Variants in BANF2 observed in about 807,000 individuals in gnomAD.
BANF2 encodes the protein BANF family member 2.
In BANF2, 4 loss-of-function variants were observed where a neutral mutation model predicts 8.0. The observed-to-expected ratio is 0.50, with a 90% CI of 0.25 to 1.14. The LOEUF (loss-of-function observed/expected upper bound fraction) is 1.14. BANF2 is among the 50% of genes most tolerant of loss of function. BANF2 has a pLI of 0.16. For missense variants in BANF2, 96 were observed against 107.5 expected, an observed-to-expected ratio of 0.89 and a Z score of 0.47; for synonymous variants, 50 against 40.6, an observed-to-expected ratio of 1.23 and a Z score of -0.88.
chr20:17,709,396 A>T (rs751126032), intron 1 of BANF2, among the ~76,000 whole-genome samples: 2 of 152,194 alleles, frequency 1.3e-5, no homozygotes, highest in Non-Finnish European at 2.9e-5. Flanking sequence ...AGAGGAATGA[A>T]GGAAAATTAA....
intron 1 of BANF2, among the ~76,000 whole-genome samples, chr20:17,708,305 T>A (rs148091036): frequency 6.6e-6 from 1 of 152,294 alleles, no homozygotes; most frequent in East Asian, 1.9e-4. Context: ...ATTGTATTTA[T>A]ATGTGCAAGG....
chr20:17,729,325 A>G (rs2037860344), intron 3 of BANF2, among the ~76,000 whole-genome samples: 1 of 151,892 alleles, frequency 6.6e-6, no homozygotes, highest in Non-Finnish European at 1.5e-5. Context: ...CCCCTTCAAG[A>G]CCCTACTCAC....
At chr20:17,716,601 C>T (rs575393143) in intron 1 of BANF2, among the ~76,000 whole-genome samples, 2 of 151,228 alleles carry the variant, frequency 1.3e-5, no homozygotes, top group African/African-American at 2.4e-5. Flanking sequence ...CAGTGGCTCA[C>T]ACCTGTAATC....
chr20:17,719,120 G>A (rs1418249699), intron 1 of BANF2, among the ~76,000 whole-genome samples: 1 of 151,926 alleles, frequency 6.6e-6, no homozygotes, highest in African/African-American at 2.4e-5. Flanking sequence ...TGTTGTTGTT[G>A]TTCTGTTTCG....
rs528316435 is a variant in BANF2, at chr20:17,693,840, T to C, written c.18+134T>C. The C allele has an allele frequency of 2.9e-6, 3 of 1,047,492 alleles. No homozygotes were observed. The South Asian group carries it at 4.2e-5, about 15-fold the overall frequency. The allele number at this position is 1,047,492 out of a possible 1,614,324, so 64.9% of individuals were successfully genotyped here. ...TGCTTTCCCGAATTCTGAATTCTTT[T>C]CGGAACGTGTCTCTGCAGGCAGCAC... On this transcript the variant is annotated intron_variant, in intron 1 of 2. Transcript: ENST00000545418.
intron 1 of BANF2, among the ~76,000 whole-genome samples, chr20:17,704,883 G>A (rs554693576): frequency 2.6e-5 from 4 of 152,338 alleles, no homozygotes; most frequent in African/African-American, 9.6e-5. Flanking sequence ...TCCCCCACAA[G>A]TGGAAGGAGA....
At chr20:17,734,844 T>G (rs2037953638) in intron 3 of BANF2, among the ~76,000 whole-genome samples, 1 of 152,194 alleles carries the variant, frequency 6.6e-6, no homozygotes, top group African/African-American at 2.4e-5. Flanking sequence ...CCCAGCACTT[T>G]GGGAGGCCAA....
intron 1 of BANF2, among the ~76,000 whole-genome samples, chr20:17,711,560 G>A (rs992444117): frequency 6.6e-6 from 1 of 152,156 alleles, no homozygotes; most frequent in Non-Finnish European, 1.5e-5. Context: ...TGTGCACCAG[G>A]GGCACTCAGC....
intron 3 of BANF2, among the ~76,000 whole-genome samples, chr20:17,730,636 C>T (rs556247532): frequency 2.2e-4 from 33 of 152,356 alleles, no homozygotes; most frequent in African/African-American, 7.9e-4. Flanking sequence ...CCCTCCGTTA[C>T]TTCGTGGCCA....
intron 2 of BANF2, among the ~76,000 whole-genome samples, chr20:17,723,339 G>A (rs2037759141): frequency 6.6e-6 from 1 of 152,224 alleles, no homozygotes; most frequent in South Asian, 2.1e-4. Context: ...TTCTTTGGGG[G>A]AGAGGGCTGT....
chr20:17,714,305 T>A (rs529140569), intron 1 of BANF2, among the ~76,000 whole-genome samples: 1 of 152,212 alleles, frequency 6.6e-6, no homozygotes, highest in South Asian at 2.1e-4. Context: ...TGAACTAATA[T>A]GCTTGTCCAT....
chr20:17,704,403 G>A (rs2037452636), intron 1 of BANF2, among the ~76,000 whole-genome samples: 3 of 152,220 alleles, frequency 2.0e-5, no homozygotes, highest in Admixed American at 2.0e-4. Flanking sequence ...ACGTGGAGTA[G>A]CAAGGCTGTA....
intron 3 of BANF2, among the ~76,000 whole-genome samples, chr20:17,726,737 T>C (rs1357225430): frequency 6.6e-6 from 1 of 152,244 alleles, no homozygotes; most frequent in Non-Finnish European, 1.5e-5. Context: ...TCTTCTGATG[T>C]CAAACAGCAT....
rs376392534 is a variant in BANF2, at chr20:17,735,767, C to A, written c.229C>A (p.Gln77Lys). ...CFGATECEAQ[Q>K]TSHCLKEWCA... Reference sequence around the variant, plus strand: ...TGGTGCCACTGAGTGTGAGGCCCAGCAGACTTCTCACTGCCTCAAGGAGTG... The same window carrying A: ...TGGTGCCACTGAGTGTGAGGCCCAGAAGACTTCTCACTGCCTCAAGGAGTG... Residue 77 changes from glutamine (Q) to lysine (K), a missense_variant, in exon 4 of 4, where the codon CAG becomes AAG. Gln to Lys is a moderately conservative substitution (Grantham distance 53). Coordinates refer to ENST00000246090, the MANE Select transcript of BANF2 (RefSeq NM_178477.5). 130 of 1,613,902 alleles carry A rather than the reference C, an allele frequency of 8.1e-5. No homozygotes were observed. Among genetic ancestry groups the A allele is most frequent in the Non-Finnish European group, 1.0e-4 (123 of 1,179,958 alleles).
At chr20:17,726,325 A>C (rs1010821216) in intron 3 of BANF2, among the ~76,000 whole-genome samples, 1 of 152,040 alleles carries the variant, frequency 6.6e-6, no homozygotes, top group African/African-American at 2.4e-5. Flanking sequence ...AGCTGGGACT[A>C]CAGGTGTGTG....
Position 17,725,223 on chromosome 20 carries a change from T to C in BANF2, c.126+72T>C, listed in dbSNP as rs1005072365. Reference sequence around the variant, plus strand: ...TTCCCCCAGTCCTGCCAGATGGCAGTTCCTGCCACGTGTCCCTGTGAAGGG... The same window carrying C: ...TTCCCCCAGTCCTGCCAGATGGCAGCTCCTGCCACGTGTCCCTGTGAAGGG... On this transcript the variant is annotated intron_variant, in intron 3 of 3. Coordinates refer to ENST00000246090, the MANE Select transcript of BANF2 (RefSeq NM_178477.5). 40 of 1,510,090 alleles carry C rather than the reference T, an allele frequency of 2.6e-5. 1 individual carries two copies. In the Middle Eastern group the frequency reaches 8.6e-4, roughly 33 times the overall value. The allele number at this position is 1,510,090 out of a possible 1,614,324, so 93.5% of individuals were successfully genotyped here.
intron 3 of BANF2, among the ~76,000 whole-genome samples, chr20:17,727,537 G>T (rs926414556): frequency 2.0e-5 from 3 of 152,084 alleles, no homozygotes; most frequent in African/African-American, 7.2e-5. Context: ...CTGTATCAGG[G>T]TCTGGAGTCC....
At chr20:17,722,901 G>T (rs1338989674) in intron 2 of BANF2, 23 bp downstream of exon 2, 1 of 980,336 alleles carries the variant, frequency 1.0e-6, no homozygotes, top group Non-Finnish European at 1.2e-6. Context: ...ATGGGGACAG[G>T]AGAGGGGATG....
chr20:17,731,213 C>T (rs1216426108), intron 3 of BANF2: 2 of 152,068 alleles, frequency 1.3e-5, no homozygotes, highest in Non-Finnish European at 2.9e-5. Context: ...CAGTGAGCCG[C>T]TATCGTGCCA....
Sources: gnomAD v4.1 joint callset for allele counts (sites outside exome capture counted in the v4.1 genomes callset) on GRCh38, gnomAD v4.1.1 for gene constraint, MANE v1.5 for transcripts, NCBI Gene and HGNC (gene_info 2026-07-23, HGNC 2026-07-21) for gene names.